The following TTC29 variants were observed in gnomAD, a reference collection of about 807,000 sequenced individuals.
TTC29 encodes the protein tetratricopeptide repeat domain 29.
In TTC29, 49 loss-of-function variants were observed where a neutral mutation model predicts 58.1. The ratio of observed to expected loss-of-function variants is 0.84; its 90% CI spans 0.67 to 1.07. The LOEUF (loss-of-function observed/expected upper bound fraction) is 1.07. Ranked by LOEUF, TTC29 falls within the 50% of genes least tolerant of loss-of-function variation. The pLI is 0.00. For synonymous variants in TTC29, 209 were observed against 196.8 expected, an observed-to-expected ratio of 1.06 and a Z score of -0.52; for missense variants, 582 against 555.6, an observed-to-expected ratio of 1.05 and a Z score of -0.48.
chr4:146,897,908 G>A (rs1057237963), intron 6 of TTC29, among the ~76,000 whole-genome samples: 1 of 152,218 alleles, frequency 6.6e-6, no homozygotes. Context: ...CAGCCTTTGG[G>A]AGTTGGTGAC....
intron 11 of TTC29, among the ~76,000 whole-genome samples, chr4:146,795,781 A>C (rs916735219): frequency 6.6e-6 from 1 of 152,200 alleles, no homozygotes; most frequent in Non-Finnish European, 1.5e-5. Context: ...TTGTCCTAAG[A>C]AAGCCTTACC....
intron 2 of TTC29, among the ~76,000 whole-genome samples, chr4:146,940,554 T>C (rs1432696045): frequency 1.3e-5 from 2 of 152,208 alleles, no homozygotes; most frequent in African/African-American, 4.8e-5. Context: ...TTTTTTCTCC[T>C]CCATGATGAT....
At chr4:146,736,408 A>T (rs1455071455) in intron 11 of TTC29, among the ~76,000 whole-genome samples, 3 of 152,206 alleles carry the variant, frequency 2.0e-5, no homozygotes, top group African/African-American at 7.2e-5. Flanking sequence ...GGGAATGGAC[A>T]TCGTATCTGA....
chr4:146,921,090 T>A (rs1012740569), intron 4 of TTC29, among the ~76,000 whole-genome samples: 2 of 151,494 alleles, frequency 1.3e-5, no homozygotes, highest in South Asian at 4.1e-4. Flanking sequence ...TGCTCTTTAA[T>A]TACCGTTGCA....
chr4:146,904,430 T>C (rs149077082), intron 5 of TTC29, among the ~76,000 whole-genome samples: 177 of 152,254 alleles, frequency 1.2e-3, no homozygotes, highest in African/African-American at 4.0e-3. Flanking sequence ...TTGTAGGTTT[T>C]TTTTCCTAAA....
At chr4:146,802,502 G>C (rs1750302066) in intron 11 of TTC29, among the ~76,000 whole-genome samples, 1 of 152,114 alleles carries the variant, frequency 6.6e-6, no homozygotes, top group Non-Finnish European at 1.5e-5. Context: ...GAGGACGGTG[G>C]GTAGTTAAGT....
intron 4 of TTC29, among the ~76,000 whole-genome samples, chr4:146,936,030 A>G (rs1735788442): frequency 6.6e-6 from 1 of 152,188 alleles, no homozygotes; most frequent in Non-Finnish European, 1.5e-5. Context: ...AGCTATCTCC[A>G]TACTAATGAT....
chr4:146,872,948 G>A (rs899984452), intron 7 of TTC29, among the ~76,000 whole-genome samples: 2 of 152,036 alleles, frequency 1.3e-5, no homozygotes, highest in East Asian at 3.9e-4. Context: ...ATAGGCAAAA[G>A]GTGGAAACAA....
At chr4:146,917,917 A>T (rs1734345614) in intron 4 of TTC29, among the ~76,000 whole-genome samples, 1 of 150,240 alleles carries the variant, frequency 6.7e-6, no homozygotes, top group Admixed American at 6.7e-5. Flanking sequence ...ATATAAAAAT[A>T]TTACCAAAAA....
intron 1 of TTC29, chr4:146,945,429 A>G (rs1039136603): frequency 6.6e-6 from 1 of 152,164 alleles, no homozygotes; most frequent in African/African-American, 2.4e-5. Flanking sequence ...GTTCCCACCT[A>G]GTTCTCAACA....
At chr4:146,834,633 G>A (rs922579999) in intron 8 of TTC29, among the ~76,000 whole-genome samples, 5 of 152,204 alleles carry the variant, frequency 3.3e-5, no homozygotes, top group Admixed American at 2.6e-4. Flanking sequence ...CACACATGAG[G>A]ACACAGGAAA....
intron 8 of TTC29, among the ~76,000 whole-genome samples, chr4:146,867,012 A>G (rs1003379558): frequency 3.3e-5 from 5 of 152,162 alleles, no homozygotes; most frequent in African/African-American, 9.7e-5. Flanking sequence ...TACTTCTCAG[A>G]CTGAGACTAA....
intron 11 of TTC29, among the ~76,000 whole-genome samples, chr4:146,785,288 G>A (rs1414487245): frequency 6.7e-6 from 1 of 149,748 alleles, no homozygotes; most frequent in Non-Finnish European, 1.5e-5. Context: ...TGCCTCCCAA[G>A]TTCAAGCGAT....
rs1742059116 is a variant in TTC29, at chr4:146,707,568, C to T, written c.1331-17G>A. On this transcript the variant is annotated splice_polypyrimidine_tract_variant and intron_variant, in intron 11 of 12. Transcript: ENST00000325106. ...TAAACTCTTCTAAAAAAAAAATACACAAAGTTAATAGATTATCATGAACAC... is the reference window on the plus strand; with the variant it reads ...TAAACTCTTCTAAAAAAAAAATACATAAAGTTAATAGATTATCATGAACAC... 3 of 1,543,452 alleles carry T rather than the reference C, an allele frequency of 1.9e-6. No individual in the cohort carries two copies. The African/African-American group carries it at 4.1e-5, about 21-fold the overall frequency.
intron 11 of TTC29, among the ~76,000 whole-genome samples, chr4:146,713,800 G>A (rs1215961893): frequency 6.6e-6 from 1 of 152,070 alleles, no homozygotes; most frequent in Non-Finnish European, 1.5e-5. Context: ...AACTAGGCCT[G>A]AATGAAGCAT....
At chr4:146,835,801 T>C (rs898338390) in intron 8 of TTC29, among the ~76,000 whole-genome samples, 6 of 152,148 alleles carry the variant, frequency 3.9e-5, no homozygotes, top group Admixed American at 3.9e-4. Flanking sequence ...CCCAGTTTTA[T>C]CTGTGAGGTG....
At chr4:146,912,176 A>G (rs927109366) in intron 4 of TTC29, among the ~76,000 whole-genome samples, 2 of 152,202 alleles carry the variant, frequency 1.3e-5, no homozygotes, top group East Asian at 1.9e-4. Context: ...GGCCACATTC[A>G]AAGCCATCCT....
At position 146,929,195 on chromosome 4, in the gene TTC29, C is replaced by A. The variant is rs555197740; in HGVS notation, c.176+8399G>T. On this transcript the variant is annotated intron_variant, in intron 4 of 12. Transcript: ENST00000325106. Reference sequence around the variant, plus strand: ...TAAAACAAAAACTAATAAAGCAAAACATATAATTAAAACTTTTCTAAAATA... The same window carrying A: ...TAAAACAAAAACTAATAAAGCAAAAAATATAATTAAAACTTTTCTAAAATA... Among the ~76,000 whole-genome samples, 55 of 152,150 alleles carry A rather than the reference C, an allele frequency of 3.6e-4. 1 individual carries two copies. The highest frequency in any genetic ancestry group is 6.6e-4 in the Non-Finnish European group (45 of 67,984).
At chr4:146,809,349 A>T (rs60978379) in intron 10 of TTC29, among the ~76,000 whole-genome samples, 4,932 of 150,152 alleles carry the variant, frequency 0.033, 476 homozygotes, top group African/African-American at 0.11. Context: ...TGACTAAAGC[A>T]CCAAAAGCAA....
Sources: allele counts gnomAD v4.1 joint callset (sites outside exome capture counted in the v4.1 genomes callset), GRCh38; gene constraint gnomAD v4.1.1; transcripts MANE v1.5; gene names NCBI Gene and HGNC (gene_info 2026-07-23, HGNC 2026-07-21).